The following NAV3 variants were observed in gnomAD, a reference collection of about 807,000 sequenced individuals.
NAV3 encodes pore membrane and/or filament interacting like protein 1.
NAV3 carries 87 observed loss-of-function variants against 244.7 expected under a neutral mutation model. The ratio of observed to expected loss-of-function variants is 0.36; its 90% CI spans 0.30 to 0.42. NAV3 has a LOEUF of 0.42. Among genes scored for constraint, NAV3 ranks in the 20% least tolerant of loss-of-function variants. The pLI, the probability that NAV3 is intolerant of heterozygous loss-of-function variation, is 1.00. For synonymous variants in NAV3, 1,126 were observed against 1,042.2 expected, an observed-to-expected ratio of 1.08 and a Z score of -1.55; for missense variants, 2,663 against 2,893.3, an observed-to-expected ratio of 0.92 and a Z score of 1.83.
At chr12:77,607,735 C>T (rs1454858166) in intron 2 of NAV3, among the ~76,000 whole-genome samples, 1 of 152,066 alleles carries the variant, frequency 6.6e-6, no homozygotes, top group African/African-American at 2.4e-5. Context: ...CTGATCCATT[C>T]TCCTCTTAAT....
At chr12:78,037,435 C>T in intron 9 of NAV3, 3 of 645,098 alleles carry the variant, frequency 4.7e-6, no homozygotes, top group Non-Finnish European at 8.5e-6. Context: ...TAAGAAATTT[C>T]ATAGTCTCTT....
chr12:77,976,705 TACTC>T lies in NAV3; in HGVS notation c.671+8004_671+8007del, dbSNP rs372587104. Among the ~76,000 whole-genome samples, 861 of 135,800 alleles carry T rather than the reference TACTC, an allele frequency of 6.3e-3. 8 individuals carry two copies. The highest frequency in any genetic ancestry group is 0.023 in the African/African-American group (812 of 35,930). The allele number at this position is 135,800 out of a possible 152,430, so 89.1% of individuals were successfully genotyped here. A position where few individuals can be genotyped will look rare whatever the true frequency, so the allele number is the denominator to read the frequency against. On this transcript the variant is annotated intron_variant, in intron 5 of 39. Transcript: ENST00000397909. Reference sequence around the variant, plus strand: ...TTTTTTTTTTTTTGAGACGGAGTCTTACTCTGTCACCAGGCTGGAGTGCAGAGGC... The same window carrying T: ...TTTTTTTTTTTTTGAGACGGAGTCTTTGTCACCAGGCTGGAGTGCAGAGGC...
chr12:78,037,236 A>G, intron 9 of NAV3: 1 of 702,956 alleles, frequency 1.4e-6, no homozygotes, highest in Non-Finnish European at 2.6e-6. Flanking sequence ...TGAAGATGAA[A>G]ACGTGTCCTC....
chr12:77,708,027 T>C (rs557393007), intron 2 of NAV3, among the ~76,000 whole-genome samples: 32 of 152,332 alleles, frequency 2.1e-4, no homozygotes, highest in South Asian at 1.7e-3. Context: ...ACTCTGATGG[T>C]AGTTTCTTTT....
intron 5 of NAV3, among the ~76,000 whole-genome samples, chr12:77,986,226 G>C (rs558397023): frequency 6.6e-6 from 1 of 152,210 alleles, no homozygotes; most frequent in East Asian, 1.9e-4. Context: ...GCCAGGTGTG[G>C]TGGCACGCAC....
At chr12:77,577,912 C>T (rs1313455610) in intron 2 of NAV3, among the ~76,000 whole-genome samples, 1 of 152,060 alleles carries the variant, frequency 6.6e-6, no homozygotes, top group Non-Finnish European at 1.5e-5. Flanking sequence ...AGGCTGCCTG[C>T]TAGTGAGCTG....
intron 34 of NAV3, among the ~76,000 whole-genome samples, chr12:78,196,569 C>A (rs751558802): frequency 6.6e-6 from 1 of 151,962 alleles, no homozygotes; most frequent in Non-Finnish European, 1.5e-5. Context: ...AGTCAATCAG[C>A]AAACTGGTTA....
chr12:77,598,616 A>G (rs1870280789), intron 2 of NAV3, among the ~76,000 whole-genome samples: 1 of 151,906 alleles, frequency 6.6e-6, no homozygotes, highest in African/African-American at 2.4e-5. Flanking sequence ...CATATCTTTA[A>G]TGTGTATAAT....
chr12:77,705,713 G>A (rs1275637576), intron 2 of NAV3, among the ~76,000 whole-genome samples: 3 of 151,344 alleles, frequency 2.0e-5, no homozygotes, highest in Non-Finnish European at 4.4e-5. Context: ...CCCCTCCAAA[G>A]TCACTTGAGC....
chr12:77,647,396 G>A lies in NAV3; in HGVS notation c.72+75130G>A, dbSNP rs1009440967. 7.9e-5 allele frequency among the ~76,000 whole-genome samples: 12 copies of A among 151,656 alleles called. 1 individual carries two copies. In the South Asian group the frequency reaches 2.5e-3, roughly 32 times the overall value. On this transcript the variant is annotated intron_variant, in intron 2 of 8. Coordinates refer to the NAV3 transcript ENST00000550042. Reference sequence around the variant, plus strand: ...TCAGCTAAAATCCCAATCATCTCAAGTAATTCATCTTCTGAAACAGCTCTG... The same window carrying A: ...TCAGCTAAAATCCCAATCATCTCAAATAATTCATCTTCTGAAACAGCTCTG...
intron 12 of NAV3, among the ~76,000 whole-genome samples, chr12:78,079,852 G>A (rs35794276): frequency 0.021 from 3,266 of 152,154 alleles, 53 homozygotes; most frequent in South Asian, 0.055. Context: ...TGCCTACGTA[G>A]GACAGTAAAG....
chr12:78,059,242 A>G (rs954146812), intron 12 of NAV3, 127 bp downstream of exon 12: 1 of 860,966 alleles, frequency 1.2e-6, no homozygotes, highest in African/African-American at 1.8e-5. Flanking sequence ...TAATTATTTT[A>G]TTTTGATAAA....
rs143032542 is a variant in NAV3, at chr12:77,805,933, G to C, written c.73-134386G>C. ...TCAAGGAATTTATCCATTTCTTCTAGATTTTCTAGTTTATTTGTGTAGAGG... is the reference window on the plus strand; with the variant it reads ...TCAAGGAATTTATCCATTTCTTCTACATTTTCTAGTTTATTTGTGTAGAGG... On this transcript the variant is annotated intron_variant, in intron 2 of 8. Transcript: ENST00000550042. Among the ~76,000 whole-genome samples, 443 of 152,258 alleles carry C rather than the reference G, an allele frequency of 2.9e-3. 3 individuals are homozygous for C. Among genetic ancestry groups the C allele is most frequent in the African/African-American group, 1.0e-2 (414 of 41,560 alleles).
At chr12:78,085,800 T>C (rs768135142) in intron 12 of NAV3, among the ~76,000 whole-genome samples, 38 of 151,920 alleles carry the variant, frequency 2.5e-4, no homozygotes, top group African/African-American at 8.7e-4. Context: ...CAAAGGAGGA[T>C]GAGGAGATAT....
intron 12 of NAV3, among the ~76,000 whole-genome samples, chr12:78,060,927 A>G (rs905604166): frequency 6.6e-6 from 1 of 152,188 alleles, no homozygotes; most frequent in Non-Finnish European, 1.5e-5. Context: ...GTTTGGGGAC[A>G]GTGGGATAAT....
intron 5 of NAV3, among the ~76,000 whole-genome samples, chr12:77,976,662 C>CTTTTTTTTTTTTTTTTTTTT (rs869100684): frequency 6.5e-5 from 5 of 77,398 alleles, no homozygotes; most frequent in Non-Finnish European, 1.0e-4. Flanking sequence ...TTCTTTCTTT[C>CTTTTTTTTTTTTTTTTTTTT]TTTCTTTTTT....
chr12:77,632,132 T>C (rs9788022), intron 2 of NAV3, among the ~76,000 whole-genome samples: 43,054 of 152,046 alleles, frequency 0.28, 7,786 homozygotes, highest in African/African-American at 0.5. Context: ...GAGACATAAC[T>C]TGGATGCTTA....
At chr12:77,783,381 C>A (rs1565812454) in intron 2 of NAV3, 1 of 152,024 alleles carries the variant, frequency 6.6e-6, no homozygotes, top group East Asian at 1.9e-4. Flanking sequence ...TCTCTTCCCA[C>A]AAGATGTGCT....
At chr12:78,087,139 T>C (rs1033966473) in intron 12 of NAV3, among the ~76,000 whole-genome samples, 1 of 152,042 alleles carries the variant, frequency 6.6e-6, no homozygotes, top group African/African-American at 2.4e-5. Context: ...TTTACAGATG[T>C]TGTAGAATTA....
Sources: gnomAD v4.1 joint callset for allele counts (sites outside exome capture counted in the v4.1 genomes callset) on GRCh38, gnomAD v4.1.1 for gene constraint, MANE v1.5 for transcripts, NCBI Gene and HGNC (gene_info 2026-07-23, HGNC 2026-07-21) for gene names.